The following LRRTM4 variants were observed in gnomAD, a reference collection of about 807,000 sequenced individuals.
LRRTM4 encodes the protein leucine rich repeat transmembrane neuronal 4.
LRRTM4 carries 25 observed loss-of-function variants against 47.6 expected under a neutral mutation model. That is an observed-to-expected ratio of 0.53 (90% CI 0.38 to 0.73). LRRTM4 has a LOEUF of 0.73. LRRTM4 is among the 30% of genes least tolerant of loss of function. The pLI is 0.00. For missense variants in LRRTM4, 638 were observed against 713.4 expected (o/e 0.89, Z 1.20); for synonymous variants, 311 against 269.5 (o/e 1.15, Z -1.51).
At chr2:77,172,134 A>C (rs1031487433) in intron 3 of LRRTM4, among the ~76,000 whole-genome samples, 4 of 152,212 alleles carry the variant, frequency 2.6e-5, no homozygotes, top group African/African-American at 9.7e-5. Context: ...TTCACTGATA[A>C]AAATCTAAAA....
At chr2:76,946,721 A>G (rs1190678063) in intron 3 of LRRTM4, among the ~76,000 whole-genome samples, 1 of 151,900 alleles carries the variant, frequency 6.6e-6, no homozygotes, top group Non-Finnish European at 1.5e-5. Flanking sequence ...CAGATGTTAC[A>G]TAGCATTGTC....
intron 3 of LRRTM4, among the ~76,000 whole-genome samples, chr2:77,467,692 G>A (rs1005172404): frequency 6.6e-6 from 1 of 152,122 alleles, no homozygotes; most frequent in African/African-American, 2.4e-5. Flanking sequence ...AATGTTAACA[G>A]TGGCTTTGAA....
intron 3 of LRRTM4, among the ~76,000 whole-genome samples, chr2:77,222,827 A>G (rs1429891513): frequency 1.3e-5 from 2 of 152,174 alleles, no homozygotes; most frequent in Non-Finnish European, 2.9e-5. Flanking sequence ...AATCAATAGA[A>G]AAAGAGGGAA....
chr2:77,391,228 T>C (rs1673491444), intron 3 of LRRTM4, among the ~76,000 whole-genome samples: 1 of 151,992 alleles, frequency 6.6e-6, no homozygotes, highest in South Asian at 2.1e-4. Context: ...TAATTACCCT[T>C]AGAAACAATG....
At chr2:76,981,797 CT>C (rs34972659) in intron 3 of LRRTM4, among the ~76,000 whole-genome samples, 104 of 151,308 alleles carry the variant, frequency 6.9e-4, no homozygotes, top group African/African-American at 2.3e-3. Flanking sequence ...AGGCCAGCAT[CT>C]TTTTTTTTAA....
chr2:77,164,881 C>A (rs192077764), intron 3 of LRRTM4, among the ~76,000 whole-genome samples: 21 of 152,210 alleles, frequency 1.4e-4, no homozygotes, highest in African/African-American at 4.6e-4. Context: ...AAAATTGACA[C>A]CCTAACATCA....
At chr2:77,455,615 T>G (rs945731897) in intron 3 of LRRTM4, among the ~76,000 whole-genome samples, 2 of 152,064 alleles carry the variant, frequency 1.3e-5, no homozygotes, top group Non-Finnish European at 2.9e-5. Context: ...TCCCTCCTCC[T>G]GCACCTCTCT....
At chr2:77,206,829 C>A (rs1024855679) in intron 3 of LRRTM4, among the ~76,000 whole-genome samples, 3 of 151,986 alleles carry the variant, frequency 2.0e-5, no homozygotes, top group Non-Finnish European at 4.4e-5. Context: ...TCTCCAAAAT[C>A]CTCTAAATGA....
intron 3 of LRRTM4, among the ~76,000 whole-genome samples, chr2:77,189,635 G>A (rs1422252864): frequency 2.0e-5 from 3 of 150,520 alleles, no homozygotes; most frequent in African/African-American, 4.9e-5. Flanking sequence ...TGCCGGCACC[G>A]TGATCTTACA....
intron 3 of LRRTM4, among the ~76,000 whole-genome samples, chr2:77,256,268 G>A (rs2104026294): frequency 6.6e-6 from 1 of 152,148 alleles, no homozygotes; most frequent in South Asian, 2.1e-4. Context: ...TAAGAAATTT[G>A]TTTATTTTAA....
intron 3 of LRRTM4, among the ~76,000 whole-genome samples, chr2:77,487,446 C>T (rs1255827871): frequency 6.6e-6 from 1 of 152,186 alleles, no homozygotes; most frequent in Non-Finnish European, 1.5e-5. Context: ...GACACACCAG[C>T]CCCCTCCCAC....
chr2:77,425,544 C>T (rs1047505933), intron 3 of LRRTM4, among the ~76,000 whole-genome samples: 1 of 152,150 alleles, frequency 6.6e-6, no homozygotes, highest in Non-Finnish European at 1.5e-5. Context: ...GATTGGAATT[C>T]CTCAAGGCTC....
chr2:76,940,474 T>G lies in LRRTM4; in HGVS notation c.1552-191558A>C, dbSNP rs900319650. ...ACACATAGAGGGGAACAATAGACAC[T>G]CAGGTCTACCTGAGGGTGGAGGGTG... is the stretch of plus-strand genomic sequence containing the variant. On this transcript the variant is annotated intron_variant, in intron 3 of 3. Coordinates refer to ENST00000409884, the MANE Select transcript of LRRTM4 (RefSeq NM_001134745.3). Among the ~76,000 whole-genome samples the G allele has an allele frequency of 3.3e-5, 5 of 151,904 alleles. No individual in the cohort carries two copies. In the East Asian group the frequency reaches 9.7e-4, roughly 29 times the overall value.
intron 3 of LRRTM4, among the ~76,000 whole-genome samples, chr2:77,152,360 G>A (rs912394099): frequency 1.3e-5 from 2 of 151,828 alleles, no homozygotes; most frequent in East Asian, 1.9e-4. Context: ...ATGGAGTCTC[G>A]CTGTGTTGCC....
At chr2:77,093,852 C>A (rs1029486384) in intron 3 of LRRTM4, among the ~76,000 whole-genome samples, 1 of 151,802 alleles carries the variant, frequency 6.6e-6, no homozygotes, top group Non-Finnish European at 1.5e-5. Context: ...ATGACATTAC[C>A]TTGTGAAAGT....
At chr2:77,429,911 C>T (rs1675294187) in intron 3 of LRRTM4, among the ~76,000 whole-genome samples, 1 of 151,934 alleles carries the variant, frequency 6.6e-6, no homozygotes, top group African/African-American at 2.4e-5. Context: ...ACTAAAAATA[C>T]AAAAATTAGC....
At chr2:76,985,145 G>T (rs1676748897) in intron 3 of LRRTM4, among the ~76,000 whole-genome samples, 1 of 151,472 alleles carries the variant, frequency 6.6e-6, no homozygotes, top group African/African-American at 2.4e-5. Flanking sequence ...TCAAAATTTT[G>T]GTACACTTTA....
intron 3 of LRRTM4, among the ~76,000 whole-genome samples, chr2:77,511,972 A>T (rs1679031127): frequency 6.6e-6 from 1 of 152,142 alleles, no homozygotes; most frequent in African/African-American, 2.4e-5. Context: ...TTTAAGAGAC[A>T]GCGTCTTAGT....
At chr2:77,198,269 A>G (rs1202847834) in intron 3 of LRRTM4, among the ~76,000 whole-genome samples, 1 of 152,194 alleles carries the variant, frequency 6.6e-6, no homozygotes, top group Non-Finnish European at 1.5e-5. Context: ...GGCGTGACAC[A>G]TGTCATACCT....
Sources: allele counts gnomAD v4.1 joint callset (sites outside exome capture counted in the v4.1 genomes callset), GRCh38; gene constraint gnomAD v4.1.1; transcripts MANE v1.5; gene names NCBI Gene and HGNC (gene_info 2026-07-23, HGNC 2026-07-21).